DENND6B: variants seen among roughly 807,000 people sequenced by gnomAD.
The protein encoded by DENND6B is DENN domain containing 6B, also known as protein DENND6B.
Under a neutral mutation model 85.1 loss-of-function variants are expected in DENND6B, and 73 were observed. The observed-to-expected ratio is 0.86, with a 90% confidence interval of 0.71 to 1.04. DENND6B has a LOEUF of 1.04. DENND6B is among the 50% of genes least tolerant of loss of function. DENND6B has a pLI of 0.00. For synonymous variants in DENND6B, 357 were observed against 329.3 expected (o/e 1.08, Z -0.91); for missense variants, 715 against 785.8 (o/e 0.91, Z 1.08).
Position 50,327,002 on chromosome 22 carries a change from G to A in DENND6B, c.-14C>T. 1 of 1,178,994 alleles carries A rather than the reference G, an allele frequency of 8.5e-7. No homozygotes were observed. Among genetic ancestry groups the A allele is most frequent in the Non-Finnish European group, 1.0e-6 (1 of 955,192 alleles). The allele number at this position is 1,178,994 out of a possible 1,614,324, so 73.0% of individuals were successfully genotyped here. The stretch of plus-strand genomic sequence containing the variant: ...CAGCGCGTCCATGGCGGCGGCCGCG[G>A]GTTGCCGGGGAAACGCGGGCGGGGG... On this transcript the variant is annotated 5_prime_UTR_variant, in exon 1 of 20. Transcript: ENST00000413817.
chr22:50,326,749 G>T (rs2042200233), intron 1 of DENND6B, 63 bp downstream of exon 1: 1 of 1,283,892 alleles, frequency 7.8e-7, no homozygotes. Flanking sequence ...CAAGCGAGGC[G>T]GGACTGGCCC....
At chr22:50,323,517 C>T (rs1468698319) in intron 1 of DENND6B, among the ~76,000 whole-genome samples, 1 of 151,654 alleles carries the variant, frequency 6.6e-6, no homozygotes, top group Non-Finnish European at 1.5e-5. Context: ...AACTTCTGAG[C>T]TCATGCAATC....
In DENND6B at chr22:50,315,717, A is replaced by C. The variant is rs963868967; in HGVS notation, c.755T>G (p.Phe252Cys). ...VLASVHELDL[F>C]RCFRPVLTHM... ...TGCAGAACCCTAGGGGGCTCACCTG[A>C]ACAGGTCCAGCTCGTGGACGCTAGC... The change falls in exon 9 of 20, where the codon TTC becomes TGC. Residue 252 changes from phenylalanine to cysteine, a missense_variant. Transcript: ENST00000413817. 2 of 1,567,632 alleles carry C rather than the reference A, an allele frequency of 1.3e-6. No individual in the cohort carries two copies. The highest frequency in any genetic ancestry group is 1.7e-6 in the Non-Finnish European group (2 of 1,157,998).
chr22:50,319,481 C>T (rs546852198), intron 1 of DENND6B: 41 of 985,198 alleles, frequency 4.2e-5, no homozygotes, highest in African/African-American at 2.6e-4. Flanking sequence ...CCTACCCACC[C>T]GGACATCTGT....
chr22:50,315,758 T>C lies in DENND6B; in HGVS notation c.714A>G (p.Pro238=), dbSNP rs1453747616. 2.6e-6 allele frequency: 4 copies of C among 1,542,862 alleles called. No individual in the cohort carries two copies. The highest frequency in any genetic ancestry group is 1.8e-4 in the Middle Eastern group (1 of 5,632). ...GGACGCTAGCAAGAACCACTGGGGC[T>C]GGCAGCAGGTTCTGAGAGGAGGAGA... ...PKQFDQENLL[P]APVVLASVHE... The change falls in exon 9 of 20, where the codon CCA becomes CCG. Residue 238 remains proline, a synonymous_variant. Coordinates refer to ENST00000413817, the MANE Select transcript of DENND6B (RefSeq NM_001001794.4).
intron 9 of DENND6B, 100 bp downstream of exon 9, chr22:50,315,614 G>A (rs548993984): frequency 5.7e-5 from 76 of 1,341,834 alleles, no homozygotes; most frequent in Middle Eastern, 1.9e-4. Flanking sequence ...AGACACACAC[G>A]CACACACATA....
rs151157970 is a variant in DENND6B, at chr22:50,315,773, AGAG to A, written c.703-7_703-5del. On this transcript the variant is annotated splice_polypyrimidine_tract_variant and splice_region_variant and intron_variant, in intron 8 of 19. Coordinates refer to ENST00000413817, the MANE Select transcript of DENND6B (RefSeq NM_001001794.4). The stretch of plus-strand genomic sequence containing the variant: ...CCACTGGGGCTGGCAGCAGGTTCTG[AGAG>A]GAGGAGAGTGAAGGTCAGGGCCAAG... The A allele has an allele frequency of 0.021, 32,303 of 1,529,692 alleles. 2,045 individuals carry two copies. In the African/African-American group the frequency reaches 0.22, roughly 11 times the overall value. The allele number at this position is 1,529,692 out of a possible 1,614,324, so 94.8% of individuals were successfully genotyped here.
At chr22:50,313,777 C>T in intron 14 of DENND6B, 37 bp downstream of exon 14, 4 of 1,610,270 alleles carry the variant, frequency 2.5e-6, no homozygotes, top group Non-Finnish European at 3.4e-6. Flanking sequence ...ACACCAGGCT[C>T]CCTGCGTCCC....
intron 17 of DENND6B, 106 bp from the exon 18 acceptor site, chr22:50,312,731 G>A: frequency 4.8e-6 from 2 of 416,674 alleles, no homozygotes; most frequent in Non-Finnish European, 4.2e-6. Flanking sequence ...CCATGGGGCT[G>A]ACCCTGGGGA....
intron 1 of DENND6B, among the ~76,000 whole-genome samples, chr22:50,320,601 A>G (rs1046689059): frequency 8.5e-5 from 13 of 152,288 alleles, no homozygotes; most frequent in East Asian, 3.9e-4. Flanking sequence ...GAGGGGAGCT[A>G]AACAGGCACC....
At chr22:50,317,595 C>G (rs894286856) in intron 4 of DENND6B, among the ~76,000 whole-genome samples, 1 of 152,138 alleles carries the variant, frequency 6.6e-6, no homozygotes, top group Non-Finnish European at 1.5e-5. Flanking sequence ...AGCAGGGAGT[C>G]CGCTGGTGTA....
rs772077237 is a variant in DENND6B at position 50,316,239 on chromosome 22, C to T, written c.574G>A (p.Asp192Asn). 11 of 1,606,978 alleles carry T rather than the reference C, an allele frequency of 6.8e-6. No homozygotes were observed. Among genetic ancestry groups the T allele is most frequent in the East Asian group, 6.7e-5 (3 of 44,586 alleles). Residue 192 changes from aspartate to asparagine, a missense_variant, in exon 7 of 20, where the codon GAC becomes AAC. Coordinates refer to ENST00000413817, the MANE Select transcript of DENND6B (RefSeq NM_001001794.4). ...PCLEAVCSEI[D>N]QWPAPAPGQT... is the part of the protein sequence containing the mutation. ...CCAGGTGCAGGCGCCGGCCACTGGT[C>T]GATCTCACTGCACACTGCGGATGCA...
At chr22:50,315,646 G>C in intron 9 of DENND6B, 68 bp downstream of exon 9, 1 of 1,498,460 alleles carries the variant, frequency 6.7e-7, no homozygotes, top group Non-Finnish European at 9.0e-7. Context: ...ATGCACACAT[G>C]CACGTACATG....
chr22:50,317,405 C>T (rs564678201), intron 4 of DENND6B, 32 bp from the exon 5 acceptor site: 1 of 1,610,958 alleles, frequency 6.2e-7, no homozygotes, highest in East Asian at 2.2e-5. Flanking sequence ...CCAGCCACGC[C>T]CCACCCGGAC....
intron 15 of DENND6B, 43 bp downstream of exon 15, chr22:50,313,592 C>G: frequency 6.6e-7 from 1 of 1,515,772 alleles, no homozygotes; most frequent in South Asian, 1.2e-5. Flanking sequence ...ATCCCCCCAG[C>G]CCCGTGCCCC....
At chr22:50,312,650 C>G (rs1204120232) in intron 17 of DENND6B, 25 bp from the exon 18 acceptor site, 1 of 1,540,012 alleles carries the variant, frequency 6.5e-7, no homozygotes, top group Non-Finnish European at 8.8e-7. Flanking sequence ...AGGCGGGGGG[C>G]CATGGGGCTG....
At chr22:50,313,747 C>G in intron 14 of DENND6B, 23 bp from the exon 15 acceptor site, 1 of 1,605,864 alleles carries the variant, frequency 6.2e-7, no homozygotes, top group Non-Finnish European at 8.5e-7. Flanking sequence ...GAGGGCCAGG[C>G]CCTTGCTGCG....
intron 13 of DENND6B, 65 bp from the exon 14 acceptor site, chr22:50,313,943 C>A: frequency 6.6e-7 from 1 of 1,512,890 alleles, no homozygotes; most frequent in South Asian, 1.3e-5. Context: ...CCTGCAGCCC[C>A]ACAGAGGAGC....
chr22:50,317,504 C>T, intron 4 of DENND6B, 131 bp from the exon 5 acceptor site: 1 of 1,057,912 alleles, frequency 9.5e-7, no homozygotes. Flanking sequence ...GCTCCTGGAG[C>T]TGCTGTCCGT....
Sources: allele counts gnomAD v4.1 joint callset (sites outside exome capture counted in the v4.1 genomes callset), GRCh38; gene constraint gnomAD v4.1.1; transcripts MANE v1.5; gene names NCBI Gene and HGNC (gene_info 2026-07-23, HGNC 2026-07-21).